The following LYPD6B variants were observed in gnomAD, a reference collection of about 807,000 sequenced individuals.
The protein encoded by LYPD6B is LY6/PLAUR domain containing 6B.
In LYPD6B, 17 loss-of-function variants were observed where a neutral mutation model predicts 22.8. The observed-to-expected ratio is 0.75, with a 90% CI of 0.51 to 1.12. LYPD6B has a LOEUF of 1.12. Ranked by LOEUF, LYPD6B falls within the 50% of genes most tolerant of loss-of-function variation. LYPD6B has a pLI of 0.00. For missense variants in LYPD6B, 221 were observed against 258.3 expected (o/e 0.86, Z 0.99); for synonymous variants, 106 against 91.6 (o/e 1.16, Z -0.90).
chr2:149,209,010 A>G (rs1693678256), intron 5 of LYPD6B, among the ~76,000 whole-genome samples: 1 of 152,128 alleles, frequency 6.6e-6, no homozygotes, highest in Non-Finnish European at 1.5e-5. Context: ...GGGAATCGCA[A>G]ATGCAGAGTT....
At chr2:149,052,236 T>C (rs1683594681) in intron 1 of LYPD6B, among the ~76,000 whole-genome samples, 1 of 152,060 alleles carries the variant, frequency 6.6e-6, no homozygotes, top group Non-Finnish European at 1.5e-5. Context: ...TTTGTATTTT[T>C]AGTAGAGATA....
chr2:149,064,920 T>C (rs1684254182), intron 1 of LYPD6B, among the ~76,000 whole-genome samples: 1 of 152,198 alleles, frequency 6.6e-6, no homozygotes, highest in Admixed American at 6.5e-5. Flanking sequence ...TTGGCTGGCC[T>C]GGTACAGGAG....
intron 3 of LYPD6B, chr2:149,188,831 C>A: frequency 5.3e-6 from 1 of 187,632 alleles, no homozygotes; most frequent in Non-Finnish European, 9.9e-6. Flanking sequence ...TGCCTTAAGA[C>A]AAATGAACTC....
At chr2:149,172,362 C>A (rs545861435) in intron 3 of LYPD6B, among the ~76,000 whole-genome samples, 1 of 152,296 alleles carries the variant, frequency 6.6e-6, no homozygotes, top group African/African-American at 2.4e-5. Flanking sequence ...AACCATATCA[C>A]CCTCCTTACA....
intron 1 of LYPD6B, among the ~76,000 whole-genome samples, chr2:149,114,515 G>T (rs1686908972): frequency 6.6e-6 from 1 of 152,206 alleles, no homozygotes; most frequent in South Asian, 2.1e-4. Context: ...GAGCTGGGCT[G>T]TCAGCAGCCT....
intron 1 of LYPD6B, among the ~76,000 whole-genome samples, chr2:149,116,257 G>A (rs1687001609): frequency 1.3e-5 from 2 of 152,076 alleles, no homozygotes; most frequent in African/African-American, 4.8e-5. Flanking sequence ...CTTTATCATA[G>A]GTATGTATCT....
At chr2:149,113,411 A>T (rs1686855492) in intron 1 of LYPD6B, among the ~76,000 whole-genome samples, 1 of 152,210 alleles carries the variant, frequency 6.6e-6, no homozygotes, top group African/African-American at 2.4e-5. Flanking sequence ...AAGGATATCA[A>T]GATCAACTTT....
chr2:149,197,859 A>C (rs908680833), intron 3 of LYPD6B, among the ~76,000 whole-genome samples: 10 of 152,178 alleles, frequency 6.6e-5, no homozygotes, highest in Non-Finnish European at 1.0e-4. Context: ...CCTAAAAATC[A>C]TTTATGGAAA....
chr2:149,119,019 A>G (rs578088953), intron 1 of LYPD6B: 1 of 152,360 alleles, frequency 6.6e-6, no homozygotes, highest in South Asian at 2.1e-4. Flanking sequence ...TTATAAATGT[A>G]AGGTGGCAGT....
chr2:149,200,191 G>A (rs1251469018), intron 3 of LYPD6B, among the ~76,000 whole-genome samples: 1 of 152,236 alleles, frequency 6.6e-6, no homozygotes, highest in African/African-American at 2.4e-5. Flanking sequence ...TGATAGGCAT[G>A]TTGGACTTAG....
At chr2:149,090,118 T>G (rs1221196108) in intron 1 of LYPD6B, among the ~76,000 whole-genome samples, 2 of 152,232 alleles carry the variant, frequency 1.3e-5, no homozygotes, top group Non-Finnish European at 2.9e-5. Flanking sequence ...TGTGTGTCTT[T>G]CCATTACTTT....
At chr2:149,088,481 G>A (rs1388188312) in intron 1 of LYPD6B, among the ~76,000 whole-genome samples, 1 of 152,146 alleles carries the variant, frequency 6.6e-6, no homozygotes, top group Non-Finnish European at 1.5e-5. Context: ...TAATTTGGTT[G>A]CTTCTTTCTT....
chr2:149,181,646 C>T (rs1448234212), intron 3 of LYPD6B, among the ~76,000 whole-genome samples: 1 of 152,194 alleles, frequency 6.6e-6, no homozygotes, highest in Non-Finnish European at 1.5e-5. Flanking sequence ...GACTCTAACT[C>T]AACTCCTGAC....
At chr2:149,176,757 C>G (rs751352759) in intron 3 of LYPD6B, among the ~76,000 whole-genome samples, 1 of 152,180 alleles carries the variant, frequency 6.6e-6, no homozygotes, top group Non-Finnish European at 1.5e-5. Context: ...TGAGGGCCAT[C>G]TATATGCTAG....
intron 3 of LYPD6B, among the ~76,000 whole-genome samples, chr2:149,194,933 G>T (rs1186519911): frequency 2.0e-5 from 3 of 152,200 alleles, no homozygotes; most frequent in Non-Finnish European, 4.4e-5. Context: ...TTGAATCACA[G>T]GTGAATGTAC....
chr2:149,183,912 G>T (rs1286277835), intron 3 of LYPD6B, among the ~76,000 whole-genome samples: 1 of 151,158 alleles, frequency 6.6e-6, no homozygotes, highest in Admixed American at 6.6e-5. Context: ...ACTTTATTTG[G>T]CCAGGCGCAG....
rs1211225226 is a variant in LYPD6B, at chr2:149,140,434, C to T, written c.5+9481C>T. Among the ~76,000 whole-genome samples, 4 of 152,036 alleles carry T rather than the reference C, an allele frequency of 2.6e-5. No homozygotes were observed. The East Asian group carries it at 5.8e-4, about 22-fold the overall frequency. Reference sequence around the variant, plus strand: ...TTCCCTCACATAGGGTAGTGCTAAGCGAGGTCCAGAGAAGGTAAATGGGAG... The same window carrying T: ...TTCCCTCACATAGGGTAGTGCTAAGTGAGGTCCAGAGAAGGTAAATGGGAG... On this transcript the variant is annotated intron_variant, in intron 2 of 6. Transcript: ENST00000409642.
intron 1 of LYPD6B, among the ~76,000 whole-genome samples, chr2:149,128,978 T>C (rs1469269057): frequency 2.6e-5 from 4 of 152,214 alleles, no homozygotes; most frequent in Non-Finnish European, 5.9e-5. Context: ...AAGGAGACTT[T>C]ACCTGGGGAA....
At chr2:149,135,719 C>CA (rs386391471) in intron 2 of LYPD6B, among the ~76,000 whole-genome samples, 9,480 of 32,154 alleles carry the variant, frequency 0.29, 2,910 homozygotes, top group Middle Eastern at 0.47. Context: ...GACCATGTCT[C>CA]AAAAAAAAAA....
Sources: gnomAD v4.1 joint callset for allele counts (sites outside exome capture counted in the v4.1 genomes callset) on GRCh38, gnomAD v4.1.1 for gene constraint, MANE v1.5 for transcripts, NCBI Gene and HGNC (gene_info 2026-07-23, HGNC 2026-07-21) for gene names.